Variants in EPB41L4A observed in about 807,000 individuals in gnomAD.
EPB41L4A encodes erythrocyte membrane protein band 4.1 like 4A.
EPB41L4A carries 100 observed loss-of-function variants against 108.6 expected under a neutral mutation model. The observed-to-expected ratio is 0.92, with a 90% CI of 0.78 to 1.09. The LOEUF is 1.09. Ranked by LOEUF, EPB41L4A falls within the 50% of genes least tolerant of loss-of-function variation. The pLI, the probability that EPB41L4A is intolerant of heterozygous loss-of-function variation, is 0.00. For missense variants in EPB41L4A, 1,030 were observed against 842.7 expected (o/e 1.22, Z -2.75); for synonymous variants, 319 against 289.0 (o/e 1.10, Z -1.05).
intron 17 of EPB41L4A, among the ~76,000 whole-genome samples, chr5:112,186,236 C>A (rs1580389945): frequency 6.6e-6 from 1 of 152,136 alleles, no homozygotes; most frequent in Non-Finnish European, 1.5e-5. Flanking sequence ...TTTGAGAGGT[C>A]AAACCTGCTA....
chr5:112,283,664 A>G (rs1363581732), intron 2 of EPB41L4A, among the ~76,000 whole-genome samples: 1 of 152,180 alleles, frequency 6.6e-6, no homozygotes, highest in Non-Finnish European at 1.5e-5. Context: ...TTCATTCATC[A>G]CTTATGGATA....
intron 1 of EPB41L4A, among the ~76,000 whole-genome samples, chr5:112,362,272 G>C (rs1758816069): frequency 7.5e-6 from 1 of 134,044 alleles, no homozygotes; most frequent in African/African-American, 2.8e-5. Flanking sequence ...GCCCAGCTTA[G>C]AGCATTAATG....
intron 1 of EPB41L4A, among the ~76,000 whole-genome samples, chr5:112,364,325 T>C (rs953673722): frequency 1.3e-5 from 2 of 152,202 alleles, no homozygotes; most frequent in African/African-American, 4.8e-5. Flanking sequence ...CACACCCAGC[T>C]GCCAATATTT....
intron 11 of EPB41L4A, among the ~76,000 whole-genome samples, chr5:112,236,871 C>T: frequency 6.6e-6 from 1 of 152,188 alleles, no homozygotes; most frequent in East Asian, 1.9e-4. Flanking sequence ...ACCTCTTTGG[C>T]AGGTCATTGT....
intron 12 of EPB41L4A, among the ~76,000 whole-genome samples, chr5:112,227,873 T>G (rs1748584225): frequency 6.6e-6 from 1 of 152,236 alleles, no homozygotes; most frequent in Non-Finnish European, 1.5e-5. Context: ...GCACCTACCT[T>G]GGGTCAACAA....
intron 17 of EPB41L4A, among the ~76,000 whole-genome samples, chr5:112,186,613 A>C (rs998387568): frequency 1.3e-5 from 2 of 152,228 alleles, no homozygotes; most frequent in Admixed American, 6.5e-5. Context: ...TGTTTCATAA[A>C]TATTCTAACA....
At chr5:112,360,253 T>A (rs1758632007) in intron 1 of EPB41L4A, among the ~76,000 whole-genome samples, 1 of 152,080 alleles carries the variant, frequency 6.6e-6, no homozygotes, top group Admixed American at 6.5e-5. Flanking sequence ...CAAGACCCTG[T>A]CTCTACAAAT....
chr5:112,186,360 T>G (rs916823613), intron 17 of EPB41L4A, among the ~76,000 whole-genome samples: 16 of 152,210 alleles, frequency 1.1e-4, no homozygotes, highest in African/African-American at 3.1e-4. Context: ...TTCAGCTGGC[T>G]ACCCTCATAC....
intron 9 of EPB41L4A, among the ~76,000 whole-genome samples, chr5:112,242,830 A>G (rs1403983787): frequency 6.6e-6 from 1 of 152,224 alleles, no homozygotes; most frequent in East Asian, 1.9e-4. Context: ...ATAGCTCTAG[A>G]GTAACTAGGT....
chr5:112,202,698 G>A (rs1762276242), intron 15 of EPB41L4A, among the ~76,000 whole-genome samples: 1 of 151,982 alleles, frequency 6.6e-6, no homozygotes, highest in Non-Finnish European at 1.5e-5. Context: ...ACCATCAAAG[G>A]ATTTCAGTGA....
chr5:112,417,892 A>T (rs1762802792), intron 1 of EPB41L4A, among the ~76,000 whole-genome samples: 1 of 152,240 alleles, frequency 6.6e-6, no homozygotes, highest in Non-Finnish European at 1.5e-5. Context: ...AGGAATAGTT[A>T]TCCTAGTGTG....
intron 1 of EPB41L4A, among the ~76,000 whole-genome samples, chr5:112,318,998 G>C (rs1755595287): frequency 6.6e-6 from 1 of 152,158 alleles, no homozygotes; most frequent in Admixed American, 6.6e-5. Flanking sequence ...ACATTAGCTT[G>C]TTATAGGAAA....
At chr5:112,177,673 C>G (rs1014589402) in intron 18 of EPB41L4A, among the ~76,000 whole-genome samples, 14 of 151,980 alleles carry the variant, frequency 9.2e-5, no homozygotes, top group Non-Finnish European at 1.8e-4. Context: ...AAATATATGA[C>G]AATAGCACAA....
chr5:112,241,972 T>C (rs1489834566), intron 9 of EPB41L4A, among the ~76,000 whole-genome samples: 1 of 152,234 alleles, frequency 6.6e-6, no homozygotes, highest in Non-Finnish European at 1.5e-5. Context: ...AATACTTCAT[T>C]GGTGAAAAAT....
intron 17 of EPB41L4A, among the ~76,000 whole-genome samples, chr5:112,189,395 T>A (rs935345695): frequency 1.3e-5 from 2 of 152,224 alleles, no homozygotes; most frequent in African/African-American, 4.8e-5. Context: ...ATTCACAGGA[T>A]AAAGTAACCA....
intron 1 of EPB41L4A, among the ~76,000 whole-genome samples, chr5:112,332,540 C>T (rs1756634023): frequency 6.6e-6 from 1 of 152,224 alleles, no homozygotes; most frequent in African/African-American, 2.4e-5. Flanking sequence ...AATGACACCC[C>T]AGACTCTCTC....
At chr5:112,231,972 G>A (rs185205740) in intron 12 of EPB41L4A, among the ~76,000 whole-genome samples, 4 of 151,968 alleles carry the variant, frequency 2.6e-5, no homozygotes, top group South Asian at 2.1e-4. Flanking sequence ...AACATTAGCC[G>A]GGCGTGGTGG....
At chr5:112,332,117 A>G (rs933507658) in intron 1 of EPB41L4A, among the ~76,000 whole-genome samples, 2 of 152,192 alleles carry the variant, frequency 1.3e-5, no homozygotes, top group Non-Finnish European at 2.9e-5. Flanking sequence ...TTCCTCCTCT[A>G]TCCTCAAGGA....
chr5:112,339,595 C>G (rs1757177172), intron 1 of EPB41L4A, among the ~76,000 whole-genome samples: 1 of 149,462 alleles, frequency 6.7e-6, no homozygotes, highest in Admixed American at 6.7e-5. Context: ...GTACAGTGGC[C>G]TGATATCGGC....
Sources: gnomAD v4.1 joint callset for allele counts (sites outside exome capture counted in the v4.1 genomes callset) on GRCh38, gnomAD v4.1.1 for gene constraint, MANE v1.5 for transcripts, NCBI Gene and HGNC (gene_info 2026-07-23, HGNC 2026-07-21) for gene names.